TTC1: variants seen among roughly 807,000 people sequenced by gnomAD.
TTC1 encodes the protein tetratricopeptide repeat domain 1.
In TTC1, 31 loss-of-function variants were observed where a neutral mutation model predicts 37.6. The observed-to-expected ratio is 0.82, with a 90% CI of 0.62 to 1.11. The LOEUF (loss-of-function observed/expected upper bound fraction) is 1.11, where lower values mean the gene tolerates loss of function less well. Among genes scored for constraint, TTC1 ranks in the 50% most tolerant of loss-of-function variants. The probability of loss-of-function intolerance (pLI) is 0.00; values close to 1 mark genes in which losing one functional copy is unlikely to be tolerated. For synonymous variants in TTC1, 127 were observed against 122.4 expected (o/e 1.04, Z -0.25); for missense variants, 351 against 339.0 (o/e 1.04, Z -0.28).
At chr5:160,012,247 A>G (rs987360375) in intron 2 of TTC1, among the ~76,000 whole-genome samples, 1 of 152,136 alleles carries the variant, frequency 6.6e-6, no homozygotes, top group African/African-American at 2.4e-5. Context: ...TCTGGATTTG[A>G]CAGTTGAATG....
At chr5:160,056,012 C>G (rs1254302818) in intron 7 of TTC1, among the ~76,000 whole-genome samples, 1 of 152,186 alleles carries the variant, frequency 6.6e-6, no homozygotes, top group East Asian at 1.9e-4. Flanking sequence ...TTCCCTTGCC[C>G]CAGGTGCTGG....
intron 4 of TTC1, among the ~76,000 whole-genome samples, chr5:160,040,841 C>T (rs1253632251): frequency 6.6e-6 from 1 of 151,904 alleles, no homozygotes; most frequent in Non-Finnish European, 1.5e-5. Context: ...AACTCCTGGC[C>T]TCAAGTGGTC....
chr5:160,039,263 C>CT (rs1757047434), intron 4 of TTC1: 2 of 150,638 alleles, frequency 1.3e-5, no homozygotes, highest in Admixed American at 1.3e-4. Flanking sequence ...GAGCAGAGCC[C>CT]TAAAAGAGTA....
Position 160,035,159 on chromosome 5 carries a change from C to T in TTC1, c.350C>T (p.Thr117Ile). The T allele has an allele frequency of 6.2e-7, 1 of 1,602,836 alleles. No individual in the cohort carries two copies. The highest frequency in any genetic ancestry group is 8.5e-7 in the Non-Finnish European group (1 of 1,175,654). ...TTTCAGAAAAGAAGAGAAGAGAGCA[C>T]TAGACTAAAGGAGGAGGGAAATGAA... Reference protein sequence around the residue: ...EEKQKRREESTRLKEEGNEQF... With the variant: ...EEKQKRREESIRLKEEGNEQF... The change falls in exon 3 of 8, where the codon ACT (threonine) becomes ATT (isoleucine). Residue 117 changes from threonine (T) to isoleucine (I), a missense_variant. Thr to Ile is a moderately conservative substitution (Grantham distance 89). Coordinates refer to ENST00000231238, the MANE Select transcript of TTC1 (RefSeq NM_003314.3).
chr5:160,019,833 G>A (rs986037573), intron 2 of TTC1, among the ~76,000 whole-genome samples: 2 of 149,892 alleles, frequency 1.3e-5, no homozygotes, highest in African/African-American at 2.5e-5. Flanking sequence ...ACCCACCTCG[G>A]CCTCCCAAAG....
Position 160,010,508 on chromosome 5 carries a change from T to A in TTC1, c.-21T>A. On this transcript the variant is annotated 5_prime_UTR_variant, in exon 2 of 8. Transcript: ENST00000231238. ...GTTTTGTTTTCCCCCAGCTTTAGCG[T>A]CACCTCCCTCACTGGGCAGCATGGG... 6.3e-7 allele frequency: 1 copy of A among 1,598,564 alleles called. No individual in the cohort carries two copies. Among genetic ancestry groups the A allele is most frequent in the Non-Finnish European group, 8.6e-7 (1 of 1,169,052 alleles).
chr5:160,045,031 C>G (rs186250873), intron 5 of TTC1, among the ~76,000 whole-genome samples: 99 of 152,256 alleles, frequency 6.5e-4, no homozygotes, highest in Non-Finnish European at 4.4e-5. Context: ...TCTGAATGTA[C>G]TGTTTTGTTT....
At chr5:160,016,463 AAATT>A (rs1272669360) in intron 2 of TTC1, among the ~76,000 whole-genome samples, 3 of 152,332 alleles carry the variant, frequency 2.0e-5, no homozygotes, top group East Asian at 3.9e-4. Flanking sequence ...ATATAATGTC[AAATT>A]AATTAATCAG....
At chr5:160,010,964 C>T (rs1561623177) in intron 2 of TTC1, 106 bp downstream of exon 2, 1 of 1,108,966 alleles carries the variant, frequency 9.0e-7, no homozygotes, top group Non-Finnish European at 1.3e-6. Flanking sequence ...AATAACTTGC[C>T]CCTTTGTCTT....
intron 2 of TTC1, among the ~76,000 whole-genome samples, chr5:160,016,865 T>TCC (rs2113344247): frequency 6.6e-6 from 1 of 152,302 alleles, no homozygotes; most frequent in East Asian, 1.9e-4. Flanking sequence ...CAAGCTAACT[T>TCC]CACTTGTCCT....
intron 2 of TTC1, among the ~76,000 whole-genome samples, chr5:160,028,448 G>A (rs550004784): frequency 6.6e-6 from 1 of 151,826 alleles, no homozygotes; most frequent in South Asian, 2.1e-4. Flanking sequence ...CTTTGGCTTG[G>A]ATAATTTCTT....
intron 2 of TTC1, among the ~76,000 whole-genome samples, chr5:160,020,707 T>A (rs79468624): frequency 1.8e-3 from 281 of 152,330 alleles, no homozygotes; most frequent in African/African-American, 6.4e-3. Context: ...TGCCTGCTCC[T>A]TACAAGAATC....
In TTC1 at chr5:160,036,774, T is replaced by G. The variant is rs775954691; in HGVS notation, c.475T>G (p.Ser159Ala). Residue 159 changes from serine to alanine, a missense_variant, in exon 4 of 8, where the codon TCA (serine) becomes GCA (alanine). Coordinates refer to ENST00000231238, the MANE Select transcript of TTC1 (RefSeq NM_003314.3). Reference sequence around the variant, plus strand: ...CCAAAAGGAGAGGTCGATTCTATTTTCAAATAGAGCTGCAGCAAGGATGAA... The same window carrying G: ...CCAAAAGGAGAGGTCGATTCTATTTGCAAATAGAGCTGCAGCAAGGATGAA... The part of the protein sequence containing the change: ...CFQKERSILF[S>A]NRAAARMKQD... The G allele has an allele frequency of 5.0e-6, 8 of 1,613,518 alleles. No homozygotes were observed. The African/African-American group carries it at 6.7e-5, about 13-fold the overall frequency.
At chr5:160,037,172 G>A (rs564670099) in intron 4 of TTC1, among the ~76,000 whole-genome samples, 1 of 152,252 alleles carries the variant, frequency 6.6e-6, no homozygotes, top group East Asian at 1.9e-4. Flanking sequence ...GGAAACACTG[G>A]TAAAAACTCT....
chr5:160,044,165 A>G (rs1338946243), intron 5 of TTC1, among the ~76,000 whole-genome samples: 1 of 152,106 alleles, frequency 6.6e-6, no homozygotes, highest in African/African-American at 2.4e-5. Flanking sequence ...TTTCTGGGAC[A>G]ATTATAGAGT....
At chr5:160,017,443 C>T (rs1756626985) in intron 2 of TTC1, among the ~76,000 whole-genome samples, 2 of 152,144 alleles carry the variant, frequency 1.3e-5, no homozygotes, top group African/African-American at 4.8e-5. Flanking sequence ...GACACTAATC[C>T]ATTCATGAGG....
chr5:160,049,241 A>G (rs1349097492), intron 5 of TTC1, among the ~76,000 whole-genome samples: 2 of 152,204 alleles, frequency 1.3e-5, no homozygotes, highest in East Asian at 3.8e-4. Context: ...GAACACACCT[A>G]TCCTTTTTTG....
intron 2 of TTC1, among the ~76,000 whole-genome samples, chr5:160,020,371 T>G (rs1022288984): frequency 6.6e-6 from 1 of 152,208 alleles, no homozygotes; most frequent in Non-Finnish European, 1.5e-5. Flanking sequence ...TCACTTGGCC[T>G]CCCAAAGTGC....
At chr5:160,024,012 C>T (rs1008399548) in intron 2 of TTC1, 2 of 1,462,914 alleles carry the variant, frequency 1.4e-6, no homozygotes, top group Admixed American at 3.3e-5. Flanking sequence ...GCAAAGTGGC[C>T]TTTACAGCCA....
Sources: gnomAD v4.1 joint callset for allele counts (sites outside exome capture counted in the v4.1 genomes callset) on GRCh38, gnomAD v4.1.1 for gene constraint, MANE v1.5 for transcripts, NCBI Gene and HGNC (gene_info 2026-07-23, HGNC 2026-07-21) for gene names.